P2RY8: variants seen among roughly 807,000 people sequenced by gnomAD.
The protein encoded by P2RY8 is P2Y receptor family member 8, also known as S-geranylgeranyl-glutathione receptor P2RY8.
In P2RY8, 6 loss-of-function variants were observed where a neutral mutation model predicts 10.0. That is an observed-to-expected ratio of 0.60 (90% CI 0.33 to 1.19). P2RY8 has a LOEUF of 1.19. P2RY8 is among the 50% of genes most tolerant of loss of function. The probability of loss-of-function intolerance (pLI) is 0.04; values close to 1 mark genes in which losing one functional copy is unlikely to be tolerated. For synonymous variants in P2RY8, 276 were observed against 252.5 expected (o/e 1.09, Z -0.88); for missense variants, 456 against 542.0 (o/e 0.84, Z 1.58).
At chrX:1,526,417 C>T (rs1373403680) in intron 1 of P2RY8, among the ~76,000 whole-genome samples, 14 of 151,602 alleles carry the variant, frequency 9.2e-5, no homozygotes, top group African/African-American at 3.2e-4. Context: ...ATTCATGCAT[C>T]CATTCATTCA....
intron 1 of P2RY8, among the ~76,000 whole-genome samples, chrX:1,528,292 A>C (rs1185488461): frequency 6.6e-6 from 1 of 152,212 alleles, no homozygotes; most frequent in Non-Finnish European, 1.5e-5. Flanking sequence ...GGCTGTCTGC[A>C]ACATGCCCAT....
intron 1 of P2RY8, among the ~76,000 whole-genome samples, chrX:1,492,278 AC>A (rs1420554825): frequency 6.6e-6 from 1 of 152,062 alleles, no homozygotes; most frequent in Non-Finnish European, 1.5e-5. Context: ...TTAGGGGGCC[AC>A]CCTCACCCTG....
intron 1 of P2RY8, among the ~76,000 whole-genome samples, chrX:1,505,133 GTC>G: frequency 8.8e-5 from 3 of 34,240 alleles, no homozygotes; most frequent in African/African-American, 3.1e-4. Context: ...GAGAGACTCT[GTC>G]TCAAAAAAAA....
intron 1 of P2RY8, among the ~76,000 whole-genome samples, chrX:1,530,876 C>G (rs2092469953): frequency 6.9e-6 from 1 of 144,976 alleles, no homozygotes; most frequent in African/African-American, 2.5e-5. Flanking sequence ...TATTCTATCT[C>G]TCATCTATCT....
intron 1 of P2RY8, among the ~76,000 whole-genome samples, chrX:1,529,482 T>C (rs1603458676): frequency 6.6e-6 from 1 of 152,030 alleles, no homozygotes; most frequent in East Asian, 1.9e-4. Flanking sequence ...CTTGGGCAGT[T>C]TGGGGTGTCA....
intron 1 of P2RY8, among the ~76,000 whole-genome samples, chrX:1,478,387 G>T (rs1280421748): frequency 2.6e-5 from 4 of 152,064 alleles, no homozygotes; most frequent in Admixed American, 1.3e-4. Context: ...GAGGTTGTAG[G>T]GTGACAGACA....
chrX:1,482,982 T>C (rs1463484668), intron 1 of P2RY8, among the ~76,000 whole-genome samples: 1 of 151,880 alleles, frequency 6.6e-6, no homozygotes, highest in Non-Finnish European at 1.5e-5. Context: ...TTAGGAGATA[T>C]ACCTAATGCT....
At chrX:1,531,466 T>G (rs1328925527) in intron 1 of P2RY8, among the ~76,000 whole-genome samples, 1 of 152,156 alleles carries the variant, frequency 6.6e-6, no homozygotes, top group Non-Finnish European at 1.5e-5. Flanking sequence ...CCAGCCTGAC[T>G]GTGCCCAGCC....
At chrX:1,484,183 G>A (rs2091965341) in intron 1 of P2RY8, among the ~76,000 whole-genome samples, 2 of 152,134 alleles carry the variant, frequency 1.3e-5, no homozygotes, top group East Asian at 3.9e-4. Context: ...TTGCTCCCTG[G>A]ACCCAAACCC....
chrX:1,499,164 T>G (rs1248587786), intron 1 of P2RY8, among the ~76,000 whole-genome samples: 812 of 31,210 alleles, frequency 0.026, 11 homozygotes, highest in Non-Finnish European at 0.073. Context: ...TTTTCTTTTC[T>G]TTTTTTTTTT....
At chrX:1,493,398 AAG>A (rs2092078109) in intron 1 of P2RY8, among the ~76,000 whole-genome samples, 2 of 16,758 alleles carry the variant, frequency 1.2e-4, no homozygotes, top group Admixed American at 7.6e-4. Context: ...GGAGGGAGGG[AAG>A]GAGGAAGGAG....
intron 1 of P2RY8, among the ~76,000 whole-genome samples, chrX:1,531,044 TTCTA>T (rs199748336): frequency 1.4e-5 from 2 of 137,952 alleles, no homozygotes; most frequent in African/African-American, 5.5e-5. Context: ...TATTTATCGA[TTCTA>T]TCTATCTGTC....
chrX:1,527,704 TCTATC>T (rs1603458646), intron 1 of P2RY8, among the ~76,000 whole-genome samples: 1 of 148,866 alleles, frequency 6.7e-6, no homozygotes, highest in African/African-American at 2.5e-5. Flanking sequence ...CATTTACTCA[TCTATC>T]CATCCATCCA....
chrX:1,494,344 C>T (rs1306717137), intron 1 of P2RY8: 2 of 152,306 alleles, frequency 1.3e-5, no homozygotes, highest in Non-Finnish European at 2.9e-5. Flanking sequence ...GGAGACCCAG[C>T]AAGCTGCTCT....
At chrX:1,509,440 G>A (rs1175831522) in intron 1 of P2RY8, among the ~76,000 whole-genome samples, 2 of 121,670 alleles carry the variant, frequency 1.6e-5, no homozygotes, top group African/African-American at 6.6e-5. Flanking sequence ...TATCATCTAT[G>A]TATCTATGTA....
intron 1 of P2RY8, among the ~76,000 whole-genome samples, chrX:1,513,723 T>C (rs372080739): frequency 2.0e-5 from 3 of 147,536 alleles, no homozygotes; most frequent in African/African-American, 7.5e-5. Flanking sequence ...TTCAATCCAC[T>C]ACAATTGTAT....
chrX:1,493,440 G>GA (rs1556679304), intron 1 of P2RY8, among the ~76,000 whole-genome samples: 14 of 13,882 alleles, frequency 1.0e-3, no homozygotes, highest in Admixed American at 2.8e-3. Flanking sequence ...GGGAGGGAAG[G>GA]AGGAGGAAGG....
chrX:1,518,168 G>A (rs769805960), intron 1 of P2RY8, among the ~76,000 whole-genome samples: 19 of 151,054 alleles, frequency 1.3e-4, no homozygotes, highest in African/African-American at 3.6e-4. Context: ...GCTCACGCCC[G>A]TCATCTCAGC....
intron 1 of P2RY8, among the ~76,000 whole-genome samples, chrX:1,508,707 T>A (rs1444451951): frequency 1.4e-4 from 3 of 21,808 alleles, no homozygotes; most frequent in East Asian, 1.3e-3. Context: ...CCATCCATTC[T>A]ATCTATCTAT....
Sources: gnomAD v4.1 joint callset for allele counts (sites outside exome capture counted in the v4.1 genomes callset) on GRCh38, gnomAD v4.1.1 for gene constraint, MANE v1.5 for transcripts, NCBI Gene and HGNC (gene_info 2026-07-23, HGNC 2026-07-21) for gene names.